The following ATP11A variants were observed in gnomAD, a reference collection of about 807,000 sequenced individuals.
The protein encoded by ATP11A is phospholipid-transporting ATPase IH.
ATP11A carries 81 observed loss-of-function variants against 154.4 expected under a neutral mutation model. The observed-to-expected ratio is 0.52, with a 90% confidence interval of 0.44 to 0.63. The LOEUF (loss-of-function observed/expected upper bound fraction) is 0.63, where lower values mean the gene tolerates loss of function less well. ATP11A is among the 30% of genes least tolerant of loss of function. The pLI is 0.00. For synonymous variants in ATP11A, 623 were observed against 585.9 expected (o/e 1.06, Z -0.91); for missense variants, 1,316 against 1,474.3 (o/e 0.89, Z 1.76).
chr13:112,749,625 T>G (rs4907754), intron 1 of ATP11A, among the ~76,000 whole-genome samples: 2,112 of 152,388 alleles, frequency 0.014, 45 homozygotes, highest in African/African-American at 0.04. Flanking sequence ...TTCCTAGGAA[T>G]GTGGATACTG....
At chr13:112,844,926 C>T (rs1476659897) in intron 17 of ATP11A, among the ~76,000 whole-genome samples, 1 of 143,288 alleles carries the variant, frequency 7.0e-6, no homozygotes, top group South Asian at 2.1e-4. Flanking sequence ...GGGCACTAGC[C>T]ATACTAACCA....
chr13:112,832,563 G>A (rs531734871), intron 13 of ATP11A, among the ~76,000 whole-genome samples: 4 of 152,278 alleles, frequency 2.6e-5, no homozygotes, highest in African/African-American at 7.2e-5. Context: ...GGACGCTAGC[G>A]GTCACTTGCC....
chr13:112,857,987 A>G, intron 21 of ATP11A, 67 bp downstream of exon 21: 9 of 1,581,690 alleles, frequency 5.7e-6, no homozygotes, highest in South Asian at 5.5e-5. Context: ...ACAAAGGCCC[A>G]TGGCAGCACG....
intron 1 of ATP11A, among the ~76,000 whole-genome samples, chr13:112,745,219 C>G (rs1891993855): frequency 1.3e-5 from 2 of 152,176 alleles, no homozygotes; most frequent in African/African-American, 4.8e-5. Context: ...CGCCCGCTAC[C>G]ACGCCTGGCT....
intron 1 of ATP11A, among the ~76,000 whole-genome samples, chr13:112,770,301 G>A (rs1247191759): frequency 6.6e-6 from 1 of 152,206 alleles, no homozygotes; most frequent in Admixed American, 6.5e-5. Flanking sequence ...ATGTCCCTGT[G>A]CTTTTGTGGA....
intron 2 of ATP11A, among the ~76,000 whole-genome samples, chr13:112,795,963 A>G (rs1474386500): frequency 6.6e-6 from 1 of 152,256 alleles, no homozygotes; most frequent in Non-Finnish European, 1.5e-5. Context: ...TATGTGTTTC[A>G]TAGTATGCTA....
chr13:112,846,618 G>A (rs1448812596), intron 17 of ATP11A, among the ~76,000 whole-genome samples: 1 of 152,200 alleles, frequency 6.6e-6, no homozygotes, highest in Non-Finnish European at 1.5e-5. Context: ...CTGCACCCCT[G>A]CTGCCAGCTC....
chr13:112,799,142 G>A (rs950161485), intron 2 of ATP11A, among the ~76,000 whole-genome samples: 3 of 152,144 alleles, frequency 2.0e-5, no homozygotes, highest in Non-Finnish European at 4.4e-5. Context: ...AACAACAGAG[G>A]GTCAAAATAT....
chr13:112,785,251 G>A lies in ATP11A; in HGVS notation c.156G>A (p.Ser52=), dbSNP rs201361256. ...GATACCCAGACAACAGGATCGTCTC[G>A]TCCAAGGTAACTTGGCTTGGGTCTG... ...PQRYPDNRIV[S]SKYTFWNFIP... Residue 52 remains serine (S), a synonymous_variant, in exon 2 of 30, where the codon TCG becomes TCA. Transcript: ENST00000375645. The surrounding 1 kb of genome is among the most constrained non-coding windows in gnomAD (Gnocchi z 4.8). The A allele has an allele frequency of 6.2e-5, 94 of 1,518,048 alleles. No homozygotes were observed. The highest frequency in any genetic ancestry group is 2.7e-4 in the South Asian group (21 of 77,262). 94.0% of individuals were successfully genotyped at this position (1,518,048 alleles called of 1,614,324 possible).
chr13:112,724,430 G>C (rs1443006843), intron 1 of ATP11A, among the ~76,000 whole-genome samples: 6 of 152,068 alleles, frequency 3.9e-5, no homozygotes, highest in African/African-American at 1.2e-4. Flanking sequence ...AGGGGCTTAT[G>C]ATGGTGGGAG....
chr13:112,791,850 TTGC>T (rs2077867495), intron 2 of ATP11A, among the ~76,000 whole-genome samples: 1 of 152,132 alleles, frequency 6.6e-6, no homozygotes, highest in Non-Finnish European at 1.5e-5. Flanking sequence ...TGTGGGCTTA[TTGC>T]TGCTTTCCAG....
chr13:112,824,237 G>C (rs1392609339), intron 9 of ATP11A, 107 bp from the exon 10 acceptor site: 2 of 839,346 alleles, frequency 2.4e-6, no homozygotes, highest in Non-Finnish European at 4.1e-6. Context: ...ATTAAAAATA[G>C]GATTCGCTTT....
chr13:112,846,014 G>A (rs140004164), intron 17 of ATP11A, among the ~76,000 whole-genome samples: 138 of 152,330 alleles, frequency 9.1e-4, no homozygotes, highest in Middle Eastern at 6.8e-3. Flanking sequence ...CCTGCTGTGC[G>A]TGTCTGGGGC....
chr13:112,853,750 C>T (rs1422011931), intron 18 of ATP11A, among the ~76,000 whole-genome samples: 1 of 152,198 alleles, frequency 6.6e-6, no homozygotes, highest in African/African-American at 2.4e-5. Context: ...AAGCCCATGG[C>T]ACCTGTTGGC....
chr13:112,695,982 G>C (rs1236067200), intron 1 of ATP11A, among the ~76,000 whole-genome samples: 1 of 152,234 alleles, frequency 6.6e-6, no homozygotes, highest in African/African-American at 2.4e-5. Flanking sequence ...TATCTGAGAA[G>C]AACAAAATGG....
At chr13:112,751,219 G>A (rs2076683159) in intron 1 of ATP11A, among the ~76,000 whole-genome samples, 1 of 152,322 alleles carries the variant, frequency 6.6e-6, no homozygotes, top group South Asian at 2.1e-4. Flanking sequence ...GTGTCGAAAG[G>A]CATGTGTCTT....
chr13:112,722,928 T>C (rs1889367991), intron 1 of ATP11A, among the ~76,000 whole-genome samples: 1 of 152,172 alleles, frequency 6.6e-6, no homozygotes, highest in Non-Finnish European at 1.5e-5. Flanking sequence ...TCAGAAATGC[T>C]TTACTTTTTT....
chr13:112,836,273 A>G (rs781548559), intron 16 of ATP11A, 22 bp downstream of exon 16: 2 of 1,517,880 alleles, frequency 1.3e-6, no homozygotes, highest in East Asian at 4.5e-5. Flanking sequence ...TTTTCTTTTG[A>G]TTTATTAAGT....
At chr13:112,723,241 T>TA (rs1357202269) in intron 1 of ATP11A, among the ~76,000 whole-genome samples, 1 of 147,534 alleles carries the variant, frequency 6.8e-6, no homozygotes, top group East Asian at 2.1e-4. Context: ...ACCAGGGCTT[T>TA]ATCACGCAGA....
Sources: allele counts gnomAD v4.1 joint callset (sites outside exome capture counted in the v4.1 genomes callset), GRCh38; gene constraint gnomAD v4.1.1; non-coding constraint Gnocchi (gnomAD v3.1); transcripts MANE v1.5; gene names NCBI Gene and HGNC (gene_info 2026-07-23, HGNC 2026-07-21).